CNTNAP2: variants seen among roughly 807,000 people sequenced by gnomAD.
CNTNAP2 encodes contactin associated protein 2.
CNTNAP2 carries 98 observed loss-of-function variants against 155.2 expected under a neutral mutation model. The ratio of observed to expected loss-of-function variants is 0.63; its 90% CI spans 0.54 to 0.75. CNTNAP2 has a LOEUF of 0.75. Among genes scored for constraint, CNTNAP2 ranks in the 30% least tolerant of loss-of-function variants. The pLI is 0.00. For synonymous variants in CNTNAP2, 651 were observed against 631.2 expected (o/e 1.03, Z -0.47); for missense variants, 1,727 against 1,688.1 (o/e 1.02, Z -0.40).
intron 13 of CNTNAP2, among the ~76,000 whole-genome samples, chr7:147,830,721 C>T (rs949455777): frequency 1.3e-5 from 2 of 152,166 alleles, no homozygotes; most frequent in Non-Finnish European, 2.9e-5. Context: ...GATGGAAACA[C>T]ATCTGCCAGG....
chr7:146,863,238 TTAA>T (rs1321054264), intron 3 of CNTNAP2, among the ~76,000 whole-genome samples: 4 of 152,156 alleles, frequency 2.6e-5, no homozygotes, highest in Admixed American at 2.0e-4. Context: ...ACTGAAAAGT[TTAA>T]TGTTTTCTCA....
Position 147,037,913 on chromosome 7 carries a change from A to G in CNTNAP2, c.403-5994A>G, listed in dbSNP as rs139912702. On this transcript the variant is annotated intron_variant, in intron 3 of 23. Transcript: ENST00000361727. ...TACAGCTTTGTAATCAAGACAATCA[A>G]TGGTTCACGCCTATGGTATTCTTTT... Among the ~76,000 whole-genome samples the G allele has an allele frequency of 2.4e-3, 372 of 152,288 alleles. 2 individuals carry two copies. Among genetic ancestry groups the G allele is most frequent in the East Asian group, 0.019 (98 of 5,176 alleles).
At chr7:147,738,852 G>A (rs2140810) in intron 13 of CNTNAP2, among the ~76,000 whole-genome samples, 118,731 of 151,796 alleles carry the variant, frequency 0.78, 46,609 homozygotes, top group East Asian at 0.99. Context: ...ACAGGGTTTC[G>A]CCATGATGGC....
At chr7:146,326,172 A>G (rs1206534615) in intron 1 of CNTNAP2, among the ~76,000 whole-genome samples, 2 of 152,180 alleles carry the variant, frequency 1.3e-5, no homozygotes, top group South Asian at 2.1e-4. Context: ...GATCACACAC[A>G]CGCATACACA....
At chr7:147,134,709 A>C (rs972267473) in intron 8 of CNTNAP2, among the ~76,000 whole-genome samples, 1 of 152,006 alleles carries the variant, frequency 6.6e-6, no homozygotes, top group East Asian at 1.9e-4. Flanking sequence ...AAATTCAATT[A>C]AATGTGTAAA....
At chr7:147,039,570 T>C (rs1799220549) in intron 3 of CNTNAP2, among the ~76,000 whole-genome samples, 1 of 152,204 alleles carries the variant, frequency 6.6e-6, no homozygotes, top group South Asian at 2.1e-4. Flanking sequence ...ATGTAGCACA[T>C]TTTCTTCATC....
chr7:147,886,383 G>A (rs535024507), intron 13 of CNTNAP2, among the ~76,000 whole-genome samples: 1 of 144,202 alleles, frequency 6.9e-6, no homozygotes, highest in African/African-American at 2.6e-5. Flanking sequence ...GCTGAGGCAG[G>A]AGAATCGCTT....
intron 9 of CNTNAP2, among the ~76,000 whole-genome samples, chr7:147,326,490 T>G (rs1224847196): frequency 6.6e-6 from 1 of 152,220 alleles, no homozygotes; most frequent in Non-Finnish European, 1.5e-5. Context: ...GTGAATGTAC[T>G]AATGATATAC....
intron 1 of CNTNAP2, among the ~76,000 whole-genome samples, chr7:146,157,248 CTCTTCT>C (rs1798140948): frequency 6.6e-6 from 1 of 151,930 alleles, no homozygotes; most frequent in Admixed American, 6.6e-5. Flanking sequence ...TATTTCTGTA[CTCTTCT>C]TCAATAATAA....
chr7:147,708,236 G>C (rs990229601), intron 13 of CNTNAP2, among the ~76,000 whole-genome samples: 2 of 152,162 alleles, frequency 1.3e-5, no homozygotes, highest in African/African-American at 4.8e-5. Flanking sequence ...CACTTGCAGT[G>C]ACAGCAGCTG....
chr7:146,467,231 T>G (rs77044488), intron 1 of CNTNAP2, among the ~76,000 whole-genome samples: 3,247 of 152,240 alleles, frequency 0.021, 76 homozygotes, highest in African/African-American at 0.053. Context: ...CATCTGGTCT[T>G]CTATTCCTTA....
intron 1 of CNTNAP2, among the ~76,000 whole-genome samples, chr7:146,575,734 T>A (rs1424197391): frequency 1.1e-4 from 16 of 152,180 alleles, no homozygotes; most frequent in Admixed American, 1.0e-3. Flanking sequence ...ATTACCAATG[T>A]CTCTAAGGCG....
chr7:146,702,075 C>A (rs1217380849), intron 1 of CNTNAP2, among the ~76,000 whole-genome samples: 1 of 152,090 alleles, frequency 6.6e-6, no homozygotes, highest in Non-Finnish European at 1.5e-5. Flanking sequence ...TTTTCTTCAT[C>A]ATTGTGAGAA....
intron 11 of CNTNAP2, among the ~76,000 whole-genome samples, chr7:147,504,688 TA>T (rs112808877): frequency 0.29 from 30,691 of 104,670 alleles, 3,864 homozygotes; most frequent in African/African-American, 0.43. Context: ...GATTCTGTCT[TA>T]AAAAAAAAAA....
intron 1 of CNTNAP2, among the ~76,000 whole-genome samples, chr7:146,393,954 A>T (rs1795582837): frequency 6.6e-6 from 1 of 152,116 alleles, no homozygotes; most frequent in African/African-American, 2.4e-5. Flanking sequence ...TAAGAAGCAA[A>T]AATATATTGT....
intron 16 of CNTNAP2, among the ~76,000 whole-genome samples, chr7:148,118,658 G>A (rs1451213791): frequency 6.6e-6 from 1 of 152,182 alleles, no homozygotes. Flanking sequence ...GGAGCAGGGA[G>A]TGAGGAAAAT....
chr7:147,650,224 A>G (rs1316458393), intron 13 of CNTNAP2, among the ~76,000 whole-genome samples: 1 of 152,230 alleles, frequency 6.6e-6, no homozygotes, highest in Non-Finnish European at 1.5e-5. Context: ...AAAAAGCATC[A>G]GAGTTTTACA....
chr7:147,946,073 G>A (rs1260568239), intron 14 of CNTNAP2, among the ~76,000 whole-genome samples: 1 of 151,644 alleles, frequency 6.6e-6, no homozygotes, highest in African/African-American at 2.4e-5. Flanking sequence ...TCACCATGTT[G>A]GTCAGGCTGG....
intron 23 of CNTNAP2, among the ~76,000 whole-genome samples, chr7:148,410,713 G>A (rs1385838996): frequency 6.6e-6 from 1 of 151,980 alleles, no homozygotes; most frequent in Non-Finnish European, 1.5e-5. Flanking sequence ...TATTCTCACT[G>A]ATACACAGGA....
Sources: allele counts gnomAD v4.1 joint callset (sites outside exome capture counted in the v4.1 genomes callset), GRCh38; gene constraint gnomAD v4.1.1; transcripts MANE v1.5; gene names NCBI Gene and HGNC (gene_info 2026-07-23, HGNC 2026-07-21).